Variants in MAF observed in about 807,000 individuals in gnomAD.
MAF encodes MAF bZIP transcription factor.
A neutral mutation model predicts 22.0 loss-of-function variants in MAF; 10 were observed. The ratio of observed to expected loss-of-function variants is 0.45; its 90% CI spans 0.28 to 0.77. The LOEUF is 0.77. MAF is among the 30% of genes least tolerant of loss of function. MAF has a pLI of 0.12. For synonymous variants in MAF, 337 were observed against 255.8 expected (o/e 1.32, Z -3.03); for missense variants, 544 against 548.4 (o/e 0.99, Z 0.08).
chr16:79,274,815 A>G, the MAF span, among the ~76,000 whole-genome samples: 1 of 152,178 alleles, frequency 6.6e-6, no homozygotes, highest in Admixed American at 6.5e-5. Context: ...GAGGGGCTTC[A>G]TTTTGATTGA....
the MAF span, among the ~76,000 whole-genome samples, chr16:79,551,904 C>A: frequency 6.6e-6 from 1 of 152,072 alleles, no homozygotes; most frequent in African/African-American, 2.4e-5. Flanking sequence ...TGGAAATTTC[C>A]TGCCAATCCC....
chr16:79,564,967 C>T, the MAF span, among the ~76,000 whole-genome samples: 103 of 152,230 alleles, frequency 6.8e-4, no homozygotes, highest in African/African-American at 1.4e-3. Flanking sequence ...GTACCTCGAA[C>T]CTTACACATG....
the MAF span, among the ~76,000 whole-genome samples, chr16:79,326,416 C>G: frequency 6.6e-6 from 1 of 152,176 alleles, no homozygotes; most frequent in Non-Finnish European, 1.5e-5. Context: ...TCCCAAATTG[C>G]AGCATTTAAA....
At chr16:79,220,722 G>A in the MAF span, among the ~76,000 whole-genome samples, 1 of 152,150 alleles carries the variant, frequency 6.6e-6, no homozygotes, top group African/African-American at 2.4e-5. Context: ...CAAACAACAT[G>A]AAAATATTTA....
chr16:79,436,020 T>A, the MAF span, among the ~76,000 whole-genome samples: 1 of 152,224 alleles, frequency 6.6e-6, no homozygotes, highest in Admixed American at 6.5e-5. Context: ...CCCATTCATG[T>A]GCAAAACCTA....
the MAF span, among the ~76,000 whole-genome samples, chr16:79,468,237 C>A: frequency 6.6e-6 from 1 of 152,256 alleles, no homozygotes; most frequent in Non-Finnish European, 1.5e-5. Context: ...ATTTATGACA[C>A]CCACGGAGTC....
rs1913931068 is a variant in MAF at position 79,600,118 on chromosome 16, CT to C, written c.-217del. 7 of 560,372 alleles carry C rather than the reference CT, an allele frequency of 1.2e-5. No homozygotes were observed. The highest frequency in any genetic ancestry group is 3.8e-5 in the Admixed American group (1 of 26,216). The allele number at this position is 560,372 out of a possible 1,614,324, so 34.7% of individuals were successfully genotyped here. A position where few individuals can be genotyped will look rare whatever the true frequency, so the allele number is the denominator to read the frequency against. Reference sequence around the variant, plus strand: ...CCCCCGCGCCCGCCCTCCCTCCCCCCTGCTCACGCCAATGTGCTCCCTCGCT... The same window carrying C: ...CCCCCGCGCCCGCCCTCCCTCCCCCCGCTCACGCCAATGTGCTCCCTCGCT... On this transcript the variant is annotated 5_prime_UTR_variant, in exon 1 of 2. Coordinates refer to ENST00000326043, the MANE Select transcript of MAF (RefSeq NM_005360.5).
downstream of MAF, among the ~76,000 whole-genome samples, chr16:79,591,553 G>A (rs1186951859): frequency 1.3e-5 from 2 of 152,180 alleles, no homozygotes; most frequent in African/African-American, 4.8e-5. Context: ...CTCAATAGAG[G>A]CTACGATTTG....
chr16:79,306,455 CT>C, the MAF span, among the ~76,000 whole-genome samples: 1 of 152,176 alleles, frequency 6.6e-6, no homozygotes, highest in Non-Finnish European at 1.5e-5. Context: ...GGGTAAGCCC[CT>C]GACCCACGGA....
chr16:79,495,436 C>T, the MAF span, among the ~76,000 whole-genome samples: 5 of 152,164 alleles, frequency 3.3e-5, no homozygotes, highest in African/African-American at 1.2e-4. Context: ...ACACTCCAGA[C>T]TAGGTGACAG....
chr16:79,267,914 G>A, the MAF span, among the ~76,000 whole-genome samples: 6 of 151,912 alleles, frequency 3.9e-5, no homozygotes, highest in South Asian at 2.1e-4. Flanking sequence ...CACCTGGCCC[G>A]TTCTCAGGTG....
the MAF span, among the ~76,000 whole-genome samples, chr16:79,246,231 AG>A: frequency 6.6e-6 from 1 of 152,126 alleles, no homozygotes; most frequent in African/African-American, 2.4e-5. Context: ...AAAAAATCAA[AG>A]TGCACACCCA....
chr16:79,413,137 C>G, the MAF span, among the ~76,000 whole-genome samples: 1 of 147,510 alleles, frequency 6.8e-6, no homozygotes, highest in Non-Finnish European at 1.5e-5. Context: ...TGACATAAAA[C>G]AGTTGTTACA....
chr16:79,524,162 C>A, the MAF span, among the ~76,000 whole-genome samples: 1 of 152,172 alleles, frequency 6.6e-6, no homozygotes, highest in Non-Finnish European at 1.5e-5. Context: ...CTTTGATAAA[C>A]CCTCTGATCC....
the MAF span, among the ~76,000 whole-genome samples, chr16:79,264,935 G>C: frequency 1.2e-4 from 19 of 152,092 alleles, no homozygotes; most frequent in African/African-American, 3.6e-4. Context: ...CAAAGTCAAA[G>C]GGGAAGACTG....
the MAF span, among the ~76,000 whole-genome samples, chr16:79,560,824 C>G: frequency 6.6e-6 from 1 of 152,192 alleles, no homozygotes; most frequent in East Asian, 1.9e-4. Flanking sequence ...TCCCAACTCC[C>G]CTGTGAAGGA....
the MAF span, among the ~76,000 whole-genome samples, chr16:79,244,034 C>G: frequency 6.6e-6 from 1 of 152,014 alleles, no homozygotes; most frequent in Non-Finnish European, 1.5e-5. Flanking sequence ...TGCTAAAACT[C>G]TCAATAAACT....
the MAF span, among the ~76,000 whole-genome samples, chr16:79,227,891 C>T: frequency 6.6e-6 from 1 of 152,072 alleles, no homozygotes; most frequent in African/African-American, 2.4e-5. Context: ...TTCTTGGAAT[C>T]TGAGAATAAT....
the MAF span, among the ~76,000 whole-genome samples, chr16:79,422,971 A>AG: frequency 6.6e-6 from 1 of 152,108 alleles, no homozygotes; most frequent in African/African-American, 2.4e-5. Context: ...AGTGCCTGGA[A>AG]GGGGAAACCA....
Sources: allele counts gnomAD v4.1 joint callset (sites outside exome capture counted in the v4.1 genomes callset), GRCh38; gene constraint gnomAD v4.1.1; transcripts MANE v1.5; gene names NCBI Gene and HGNC (gene_info 2026-07-23, HGNC 2026-07-21).